Variants in RAB27B observed in about 807,000 individuals in gnomAD.
RAB27B encodes RAB27B, member RAS oncogene family, also known as ras-related protein Rab-27B.
RAB27B carries 15 observed loss-of-function variants against 24.6 expected under a neutral mutation model. The observed-to-expected ratio is 0.61, with a 90% CI of 0.41 to 0.94. RAB27B has a LOEUF of 0.94. Among genes scored for constraint, RAB27B ranks in the 40% least tolerant of loss-of-function variants. RAB27B has a pLI of 0.00. For missense variants in RAB27B, 261 were observed against 266.8 expected (o/e 0.98, Z 0.15); for synonymous variants, 105 against 92.5 (o/e 1.14, Z -0.78).
chr18:54,729,729 G>T (rs2144988857), intron 2 of RAB27B, among the ~76,000 whole-genome samples: 1 of 152,084 alleles, frequency 6.6e-6, no homozygotes, highest in Non-Finnish European at 1.5e-5. Context: ...TTAGTAAATG[G>T]AAAGCACAAA....
At chr18:54,776,096 C>A (rs768275254) in intron 2 of RAB27B, among the ~76,000 whole-genome samples, 2 of 152,172 alleles carry the variant, frequency 1.3e-5, no homozygotes, top group Non-Finnish European at 2.9e-5. Context: ...ATTTGCTTGG[C>A]GGTGTTTTTT....
At chr18:54,805,634 A>G (rs1004734082) in intron 2 of RAB27B, among the ~76,000 whole-genome samples, 1 of 152,198 alleles carries the variant, frequency 6.6e-6, no homozygotes, top group Non-Finnish European at 1.5e-5. Context: ...ATTCTAGCAT[A>G]GGTAATTTGT....
At chr18:54,770,108 G>C (rs977954462) in intron 2 of RAB27B, among the ~76,000 whole-genome samples, 1 of 152,098 alleles carries the variant, frequency 6.6e-6, no homozygotes, top group Non-Finnish European at 1.5e-5. Context: ...GCCTCCCAAA[G>C]TTCTGGAATT....
intron 2 of RAB27B, among the ~76,000 whole-genome samples, chr18:54,815,532 A>G (rs1220667951): frequency 1.3e-5 from 2 of 152,192 alleles, no homozygotes; most frequent in East Asian, 3.8e-4. Flanking sequence ...TGTGTACCTG[A>G]GAATAGTCTA....
intron 2 of RAB27B, among the ~76,000 whole-genome samples, chr18:54,760,101 G>T (rs1287848224): frequency 6.6e-6 from 1 of 152,212 alleles, no homozygotes; most frequent in African/African-American, 2.4e-5. Flanking sequence ...GGACTCTGGA[G>T]GTTGTGGATA....
chr18:54,762,961 G>C (rs930986801), intron 2 of RAB27B, among the ~76,000 whole-genome samples: 2 of 152,108 alleles, frequency 1.3e-5, no homozygotes, highest in Non-Finnish European at 2.9e-5. Flanking sequence ...GAATAAATGT[G>C]TAAATTAAAG....
At chr18:54,741,074 C>CA (rs1910056655) in intron 2 of RAB27B, among the ~76,000 whole-genome samples, 1 of 152,124 alleles carries the variant, frequency 6.6e-6, no homozygotes, top group African/African-American at 2.4e-5. Flanking sequence ...CCCTAGCATA[C>CA]AAAACCTAAG....
intron 2 of RAB27B, among the ~76,000 whole-genome samples, chr18:54,773,947 G>A (rs774200270): frequency 6.6e-6 from 1 of 152,168 alleles, no homozygotes; most frequent in Non-Finnish European, 1.5e-5. Context: ...CGAAGTGCTA[G>A]GATTACAGGC....
At chr18:54,788,949 T>G (rs966552860) in intron 2 of RAB27B, among the ~76,000 whole-genome samples, 2 of 152,240 alleles carry the variant, frequency 1.3e-5, no homozygotes, top group Non-Finnish European at 2.9e-5. Context: ...TGATTTTCAG[T>G]GTTTAAGAGG....
chr18:54,887,933 G>GCAGT, intron 4 of RAB27B, 62 bp from the exon 5 acceptor site: 2 of 1,559,782 alleles, frequency 1.3e-6, no homozygotes, highest in Non-Finnish European at 1.7e-6. Flanking sequence ...TGGAATAAGA[G>GCAGT]CAGTCATTTG....
At chr18:54,770,742 T>C (rs1271080972) in intron 2 of RAB27B, among the ~76,000 whole-genome samples, 3 of 152,062 alleles carry the variant, frequency 2.0e-5, no homozygotes, top group Non-Finnish European at 4.4e-5. Context: ...CTTTTTTTTT[T>C]CCTATTGCTA....
At chr18:54,830,621 A>T (rs538768209) in intron 1 of RAB27B, among the ~76,000 whole-genome samples, 26 of 152,098 alleles carry the variant, frequency 1.7e-4, no homozygotes, top group East Asian at 1.5e-3. Context: ...TTTTTTTTTT[A>T]AATTCATTAT....
At chr18:54,887,046 CCTTA>C (rs1250432761) in intron 4 of RAB27B, among the ~76,000 whole-genome samples, 7 of 113,868 alleles carry the variant, frequency 6.1e-5, no homozygotes, top group African/African-American at 1.4e-4. Context: ...TCCCTCCCTT[CCTTA>C]CTTCCCTCCC....
intron 1 of RAB27B, among the ~76,000 whole-genome samples, chr18:54,876,979 C>T (rs1395388617): frequency 1.3e-5 from 2 of 151,936 alleles, no homozygotes; most frequent in Non-Finnish European, 2.9e-5. Context: ...TGGCTGTGTC[C>T]CTACCCAAAT....
At chr18:54,867,473 G>C (rs1912286640) in intron 1 of RAB27B, among the ~76,000 whole-genome samples, 2 of 130,990 alleles carry the variant, frequency 1.5e-5, no homozygotes, top group Admixed American at 1.8e-4. Flanking sequence ...CTGAGATGGA[G>C]TCTCGCTCTG....
intron 2 of RAB27B, among the ~76,000 whole-genome samples, chr18:54,756,050 C>G (rs991835321): frequency 6.6e-6 from 1 of 152,144 alleles, no homozygotes; most frequent in Admixed American, 6.5e-5. Flanking sequence ...TTATTTGTGT[C>G]TCTATACAAA....
rs1913357350 is a variant in RAB27B at position 54,891,234 on chromosome 18, T to G, written c.*1821T>G. ...TCTTTATAATGTTCTTAGGATGGAC[T>G]AGACCCATAAATGTGCCATGAATCA... On this transcript the variant is annotated 3_prime_UTR_variant, in exon 6 of 6. Coordinates refer to ENST00000262094, the MANE Select transcript of RAB27B (RefSeq NM_004163.4). The G allele has an allele frequency of 6.6e-6, 1 of 152,094 alleles. No individual in the cohort carries two copies. The highest frequency in any genetic ancestry group is 6.6e-5 in the Admixed American group (1 of 15,250). 9.4% of individuals were successfully genotyped at this position (152,094 alleles called of 1,614,324 possible). A position where few individuals can be genotyped will look rare whatever the true frequency, so the allele number is the denominator to read the frequency against.
At chr18:54,780,536 C>T (rs1002947391) in intron 2 of RAB27B, among the ~76,000 whole-genome samples, 1 of 152,184 alleles carries the variant, frequency 6.6e-6, no homozygotes, top group Non-Finnish European at 1.5e-5. Context: ...TTCCCCCTCA[C>T]TGTGTCCTCG....
intron 2 of RAB27B, among the ~76,000 whole-genome samples, chr18:54,820,164 T>C (rs1441362353): frequency 6.6e-6 from 1 of 152,196 alleles, no homozygotes; most frequent in East Asian, 1.9e-4. Context: ...CAAATGGTAT[T>C]TCTAGTTCTA....
Sources: allele counts gnomAD v4.1 joint callset (sites outside exome capture counted in the v4.1 genomes callset), GRCh38; gene constraint gnomAD v4.1.1; transcripts MANE v1.5; gene names NCBI Gene and HGNC (gene_info 2026-07-23, HGNC 2026-07-21).